Variants in CDH13 observed in about 807,000 individuals in gnomAD.
CDH13 encodes cadherin 13.
A neutral mutation model predicts 63.8 loss-of-function variants in CDH13; 24 were observed. The observed-to-expected ratio is 0.38, with a 90% CI of 0.27 to 0.53. CDH13 has a LOEUF of 0.53. Among genes scored for constraint, CDH13 ranks in the 20% least tolerant of loss-of-function variants. The pLI is 0.85. For missense variants in CDH13, 1,049 were observed against 903.1 expected (o/e 1.16, Z -2.07); for synonymous variants, 503 against 355.3 (o/e 1.42, Z -4.67).
At chr16:82,958,027 A>G (rs1464899118) in intron 2 of CDH13, among the ~76,000 whole-genome samples, 1 of 152,222 alleles carries the variant, frequency 6.6e-6, no homozygotes, top group Non-Finnish European at 1.5e-5. Context: ...GAGAGATGGC[A>G]GAGGTGGGTG....
chr16:83,470,072 T>TG (rs1426765756), intron 6 of CDH13, among the ~76,000 whole-genome samples: 2 of 152,208 alleles, frequency 1.3e-5, no homozygotes, highest in African/African-American at 4.8e-5. Flanking sequence ...TTCAGATCTG[T>TG]GCAGCTCTCC....
At chr16:82,980,023 A>G (rs533543333) in intron 2 of CDH13, among the ~76,000 whole-genome samples, 1 of 152,198 alleles carries the variant, frequency 6.6e-6, no homozygotes, top group South Asian at 2.1e-4. Context: ...CAGTTTATAA[A>G]TGCATAGTTG....
chr16:83,384,859 C>G (rs989199700), intron 6 of CDH13, among the ~76,000 whole-genome samples: 7 of 152,224 alleles, frequency 4.6e-5, no homozygotes, highest in African/African-American at 1.7e-4. Context: ...CTATTATATA[C>G]AAGTCTCATG....
intron 2 of CDH13, among the ~76,000 whole-genome samples, chr16:82,874,810 AT>A (rs2040452771): frequency 6.6e-6 from 1 of 152,166 alleles, no homozygotes; most frequent in Non-Finnish European, 1.5e-5. Flanking sequence ...GTGGGGATAA[AT>A]TATACTAAGA....
intron 13 of CDH13, among the ~76,000 whole-genome samples, chr16:83,786,228 G>A (rs968408922): frequency 6.6e-6 from 1 of 152,164 alleles, no homozygotes; most frequent in Non-Finnish European, 1.5e-5. Flanking sequence ...AGTTGGGGAT[G>A]GAGTTAACTG....
Position 82,969,654 on chromosome 16 carries a change from T to C in CDH13, c.158-62356T>C, listed in dbSNP as rs1260212724. Among the ~76,000 whole-genome samples, 4 of 152,138 alleles carry C rather than the reference T, an allele frequency of 2.6e-5. No individual in the cohort carries two copies. In the East Asian group the frequency reaches 7.7e-4, roughly 29 times the overall value. On this transcript the variant is annotated intron_variant, in intron 2 of 13. Transcript: ENST00000567109. ...AGCAGCATGCCTGGCCTCTACACAC[T>C]GGATACCACTAGCAGCACTGCAGTC...
At chr16:83,091,926 T>C (rs1156858291) in intron 3 of CDH13, among the ~76,000 whole-genome samples, 1 of 152,258 alleles carries the variant, frequency 6.6e-6, no homozygotes, top group African/African-American at 2.4e-5. Flanking sequence ...TTCACACCTG[T>C]GTGCCTATAA....
intron 11 of CDH13, among the ~76,000 whole-genome samples, chr16:83,768,365 AAC>A (rs1914539395): frequency 1.3e-5 from 2 of 152,218 alleles, no homozygotes; most frequent in Non-Finnish European, 2.9e-5. Flanking sequence ...TAGACAAAAA[AAC>A]ACACACACAA....
chr16:83,512,582 C>T (rs1167620576), intron 7 of CDH13, among the ~76,000 whole-genome samples: 3 of 150,716 alleles, frequency 2.0e-5, no homozygotes, highest in Non-Finnish European at 4.4e-5. Flanking sequence ...ACAGAAGAAT[C>T]ATTTGAACCC....
intron 1 of CDH13, among the ~76,000 whole-genome samples, chr16:82,820,943 G>C (rs974820240): frequency 3.3e-5 from 5 of 152,096 alleles, no homozygotes; most frequent in African/African-American, 1.2e-4. Context: ...TAAGTCTGTG[G>C]GACCTGCCTC....
At chr16:83,216,386 T>G (rs1405730605) in intron 4 of CDH13, among the ~76,000 whole-genome samples, 1 of 38,256 alleles carries the variant, frequency 2.6e-5, no homozygotes. Flanking sequence ...GTCCTCTGCC[T>G]CCAGCATTGA....
rs190714966 is a variant in CDH13 at position 82,701,875 on chromosome 16, A to G, written c.45+74738A>G. On this transcript the variant is annotated intron_variant, in intron 1 of 13. Transcript: ENST00000567109. Reference sequence around the variant, plus strand: ...TAGTCACCTCCCCTCTTCTGAAGACACAGAAGTTGGGACTTCATCTCTACC... The same window carrying G: ...TAGTCACCTCCCCTCTTCTGAAGACGCAGAAGTTGGGACTTCATCTCTACC... Among the ~76,000 whole-genome samples the G allele has an allele frequency of 1.4e-3, 207 of 152,290 alleles. 1 individual carries two copies. Among genetic ancestry groups the G allele is most frequent in the Middle Eastern group, 3.4e-3 (1 of 294 alleles).
chr16:83,494,714 A>G (rs927741475), intron 7 of CDH13, among the ~76,000 whole-genome samples: 1 of 152,232 alleles, frequency 6.6e-6, no homozygotes, highest in Non-Finnish European at 1.5e-5. Context: ...CAACACTTAG[A>G]TTAAGGCAAA....
chr16:83,326,805 A>T (rs1329559820), intron 5 of CDH13, among the ~76,000 whole-genome samples: 1 of 152,228 alleles, frequency 6.6e-6, no homozygotes, highest in Non-Finnish European at 1.5e-5. Flanking sequence ...TAGAGGTCCT[A>T]TAACAAAGCC....
intron 8 of CDH13, among the ~76,000 whole-genome samples, chr16:83,645,537 GC>G (rs10609121): frequency 0.26 from 39,619 of 151,096 alleles, 5,259 homozygotes; most frequent in South Asian, 0.35. Flanking sequence ...ATGCACACAT[GC>G]CCCCCCCCAA....
intron 1 of CDH13, among the ~76,000 whole-genome samples, chr16:82,795,337 A>T (rs1240822417): frequency 6.6e-6 from 1 of 152,246 alleles, no homozygotes; most frequent in East Asian, 1.9e-4. Context: ...CAGAGACCAC[A>T]TTCTGCATCT....
intron 7 of CDH13, among the ~76,000 whole-genome samples, chr16:83,561,802 C>T (rs1420808989): frequency 1.3e-5 from 2 of 152,140 alleles, no homozygotes; most frequent in South Asian, 4.1e-4. Context: ...TCAACTACAA[C>T]ATTGTTCCAC....
chr16:82,657,263 C>T (rs1159406891), intron 1 of CDH13, among the ~76,000 whole-genome samples: 1 of 152,110 alleles, frequency 6.6e-6, no homozygotes, highest in Admixed American at 6.5e-5. Context: ...TAAAATGGAA[C>T]AATTATGACA....
At chr16:83,549,535 G>T (rs753127756) in intron 7 of CDH13, among the ~76,000 whole-genome samples, 4 of 151,736 alleles carry the variant, frequency 2.6e-5, no homozygotes, top group African/African-American at 4.8e-5. Flanking sequence ...CCCTTCTGGG[G>T]TCCCCAGTCT....
Sources: allele counts gnomAD v4.1 joint callset (sites outside exome capture counted in the v4.1 genomes callset), GRCh38; gene constraint gnomAD v4.1.1; transcripts MANE v1.5; gene names NCBI Gene and HGNC (gene_info 2026-07-23, HGNC 2026-07-21).